PAPPA: variants seen among roughly 807,000 people sequenced by gnomAD.
PAPPA encodes the protein pappalysin 1.
Under a neutral mutation model 164.0 loss-of-function variants are expected in PAPPA, and 60 were observed. The observed-to-expected ratio is 0.37, with a 90% CI of 0.30 to 0.45. The LOEUF is 0.45. Ranked by LOEUF, PAPPA falls within the 20% of genes least tolerant of loss-of-function variation. The pLI, the probability that PAPPA is intolerant of heterozygous loss-of-function variation, is 1.00. For missense variants in PAPPA, 1,782 were observed against 2,087.3 expected (o/e 0.85, Z 2.85); for synonymous variants, 875 against 814.1 (o/e 1.07, Z -1.27).
At chr9:116,274,091 A>C (rs1044519351) in intron 9 of PAPPA, among the ~76,000 whole-genome samples, 2 of 152,020 alleles carry the variant, frequency 1.3e-5, no homozygotes, top group African/African-American at 2.4e-5. Context: ...CTGCAAAAAA[A>C]AAAAAGATAG....
chr9:116,272,488 G>C (rs1845148570), intron 9 of PAPPA, among the ~76,000 whole-genome samples: 1 of 152,204 alleles, frequency 6.6e-6, no homozygotes. Context: ...TCTCCCAGTA[G>C]ATTGTGAGCT....
intron 9 of PAPPA, among the ~76,000 whole-genome samples, chr9:116,276,359 G>C (rs952778348): frequency 2.0e-5 from 3 of 152,200 alleles, no homozygotes; most frequent in Admixed American, 2.0e-4. Flanking sequence ...GTGCATTACA[G>C]GAGATGCAGC....
At chr9:116,217,322 C>T (rs931813706) in intron 4 of PAPPA, among the ~76,000 whole-genome samples, 1 of 152,112 alleles carries the variant, frequency 6.6e-6, no homozygotes, top group Non-Finnish European at 1.5e-5. Context: ...TAAATGCCCC[C>T]AATTTATGCA....
At position 116,211,582 on chromosome 9, in the gene PAPPA, C is replaced by G. The variant is rs1292389726; in HGVS notation, c.1625-57C>G. On this transcript the variant is annotated intron_variant, in intron 3 of 21. Coordinates refer to ENST00000328252, the MANE Select transcript of PAPPA (RefSeq NM_002581.5). ...TTTATCCTTGATGGACTTGGGGGTT[C>G]TTGCACCAAGAAGCAGAGTACCTAG... 4.6e-6 allele frequency: 7 copies of G among 1,505,700 alleles called. No individual in the cohort carries two copies. The Admixed American group carries it at 1.0e-4, about 22-fold the overall frequency. The allele number at this position is 1,505,700 out of a possible 1,614,324, so 93.3% of individuals were successfully genotyped here.
chr9:116,185,789 T>C (rs1187861480), intron 1 of PAPPA, among the ~76,000 whole-genome samples: 1 of 152,144 alleles, frequency 6.6e-6, no homozygotes, highest in African/African-American at 2.4e-5. Context: ...CTTCCTGGGG[T>C]TCCCAGAGTA....
intron 7 of PAPPA, among the ~76,000 whole-genome samples, 197 bp downstream of exon 7, chr9:116,235,834 C>G (rs557727995): frequency 9.9e-5 from 15 of 152,054 alleles, no homozygotes; most frequent in African/African-American, 2.7e-4. Flanking sequence ...GGGAAGGAAC[C>G]ATTAGACCTG....
At chr9:116,277,641 A>G (rs761373496) in intron 9 of PAPPA, among the ~76,000 whole-genome samples, 5 of 152,226 alleles carry the variant, frequency 3.3e-5, no homozygotes, top group Non-Finnish European at 7.4e-5. Context: ...TTTGCTACTG[A>G]TGCTATTATT....
At chr9:116,371,596 T>C (rs1267755733) in intron 19 of PAPPA, among the ~76,000 whole-genome samples, 3 of 152,190 alleles carry the variant, frequency 2.0e-5, no homozygotes, top group Non-Finnish European at 4.4e-5. Flanking sequence ...TTTTCTTTTT[T>C]TCAATTTTTT....
chr9:116,382,614 C>T (rs1197131695), intron 21 of PAPPA, 121 bp downstream of exon 21: 7 of 637,944 alleles, frequency 1.1e-5, no homozygotes, highest in African/African-American at 3.7e-5. Context: ...TGTCCACACG[C>T]TTTATTTCTT....
intron 1 of PAPPA, among the ~76,000 whole-genome samples, chr9:116,177,266 C>T (rs1209174519): frequency 6.6e-6 from 1 of 152,212 alleles, no homozygotes; most frequent in Non-Finnish European, 1.5e-5. Context: ...AGAGCCAGAA[C>T]TTAAAACAGC....
intron 18 of PAPPA, 71 bp from the exon 19 acceptor site, chr9:116,367,574 C>A: frequency 1.8e-6 from 2 of 1,133,340 alleles, no homozygotes; most frequent in South Asian, 1.3e-5. Flanking sequence ...AGGGCCCACT[C>A]TGCAGGAGGG....
intron 1 of PAPPA, among the ~76,000 whole-genome samples, chr9:116,165,420 A>G (rs967429685): frequency 2.6e-5 from 4 of 152,162 alleles, no homozygotes; most frequent in Non-Finnish European, 4.4e-5. Context: ...ACATTACATC[A>G]TCTACCATAT....
At chr9:116,321,363 G>T (rs2118927789) in intron 10 of PAPPA, among the ~76,000 whole-genome samples, 1 of 152,272 alleles carries the variant, frequency 6.6e-6, no homozygotes, top group African/African-American at 2.4e-5. Flanking sequence ...ACCTTCCTCT[G>T]CTCTTAATAC....
intron 7 of PAPPA, among the ~76,000 whole-genome samples, chr9:116,256,432 C>A (rs534676733): frequency 6.6e-6 from 1 of 151,906 alleles, no homozygotes; most frequent in South Asian, 2.1e-4. Flanking sequence ...AAACATAAGT[C>A]ATTATACTAA....
intron 10 of PAPPA, among the ~76,000 whole-genome samples, chr9:116,310,415 G>C (rs901503121): frequency 1.3e-5 from 2 of 152,114 alleles, no homozygotes; most frequent in Admixed American, 6.5e-5. Context: ...GTCATCTAAG[G>C]AGACAGAACA....
At chr9:116,158,191 G>C (rs1224524569) in intron 1 of PAPPA, among the ~76,000 whole-genome samples, 1 of 151,984 alleles carries the variant, frequency 6.6e-6, no homozygotes, top group African/African-American at 2.4e-5. Context: ...TAAGTGTGCT[G>C]GTTACTCCCA....
intron 9 of PAPPA, among the ~76,000 whole-genome samples, chr9:116,285,533 C>T (rs1380870012): frequency 6.6e-6 from 1 of 152,158 alleles, no homozygotes; most frequent in Non-Finnish European, 1.5e-5. Flanking sequence ...TGCTCCTCAC[C>T]ACCCGTTCCT....
At chr9:116,321,285 C>T (rs190798065) in intron 10 of PAPPA, among the ~76,000 whole-genome samples, 5 of 152,142 alleles carry the variant, frequency 3.3e-5, no homozygotes, top group Non-Finnish European at 7.4e-5. Flanking sequence ...CCTCAGCCTC[C>T]CAAAGTGCTG....
At chr9:116,258,585 G>A (rs977826163) in intron 7 of PAPPA, among the ~76,000 whole-genome samples, 3 of 152,136 alleles carry the variant, frequency 2.0e-5, no homozygotes, top group Non-Finnish European at 4.4e-5. Flanking sequence ...GAACCCGGGA[G>A]GCGGAGGTTG....
Sources: allele counts gnomAD v4.1 joint callset (sites outside exome capture counted in the v4.1 genomes callset), GRCh38; gene constraint gnomAD v4.1.1; transcripts MANE v1.5; gene names NCBI Gene and HGNC (gene_info 2026-07-23, HGNC 2026-07-21).